The following NUP210L variants were observed in gnomAD, a reference collection of about 807,000 sequenced individuals.
NUP210L encodes nuclear pore membrane glycoprotein 210-like.
A neutral mutation model predicts 208.5 loss-of-function variants in NUP210L; 74 were observed. The ratio of observed to expected loss-of-function variants is 0.35; its 90% CI spans 0.29 to 0.43. The LOEUF is 0.43. Ranked by LOEUF, NUP210L falls within the 20% of genes least tolerant of loss-of-function variation. NUP210L has a pLI of 1.00. For synonymous variants in NUP210L, 780 were observed against 816.9 expected, an observed-to-expected ratio of 0.95 and a Z score of 0.77; for missense variants, 1,843 against 2,289.4, an observed-to-expected ratio of 0.81 and a Z score of 3.98.
chr1:154,155,038 C>T, exon 1 of NUP210L: 3 of 1,604,430 alleles, frequency 1.9e-6, no homozygotes, highest in Non-Finnish European at 2.6e-6. Flanking sequence ...GCCGGACAGC[C>T]AGTCATGGCG....
chr1:154,031,641 A>G (rs564546237), intron 27 of NUP210L, among the ~76,000 whole-genome samples: 3 of 146,860 alleles, frequency 2.0e-5, no homozygotes, highest in East Asian at 2.0e-4. Flanking sequence ...AAGTTTGTCT[A>G]TCTATACTTG....
At chr1:154,004,884 C>G (rs1378355753) in intron 35 of NUP210L, among the ~76,000 whole-genome samples, 1 of 121,254 alleles carries the variant, frequency 8.2e-6, no homozygotes, top group African/African-American at 3.1e-5. Context: ...GATGGAATCT[C>G]ACTCTATCGC....
intron 27 of NUP210L, among the ~76,000 whole-genome samples, chr1:154,031,516 C>G (rs1652216730): frequency 6.7e-6 from 1 of 150,082 alleles, no homozygotes; most frequent in Non-Finnish European, 1.5e-5. Context: ...AGCATCCCCA[C>G]TTCCCTCCCA....
chr1:154,101,172 C>CAGA (rs1656453539), intron 13 of NUP210L, among the ~76,000 whole-genome samples: 1 of 104,740 alleles, frequency 9.5e-6, no homozygotes, highest in Admixed American at 1.1e-4. Context: ...AACTCTGTCT[C>CAGA]AAAAAAAAAA....
At chr1:154,061,453 T>C (rs1654132167) in intron 18 of NUP210L, 133 bp downstream of exon 18, 4 of 460,802 alleles carry the variant, frequency 8.7e-6, no homozygotes, top group Non-Finnish European at 1.5e-5. Context: ...TTTCCAGGAC[T>C]CTCTCAAGGG....
chr1:154,108,898 C>T (rs954569409), intron 12 of NUP210L, among the ~76,000 whole-genome samples: 43 of 151,664 alleles, frequency 2.8e-4, no homozygotes, highest in African/African-American at 7.3e-5. Flanking sequence ...ATTGGCAGTT[C>T]GAGACCAGCC....
At chr1:154,091,596 G>C (rs1416037323) in intron 15 of NUP210L, among the ~76,000 whole-genome samples, 2 of 149,800 alleles carry the variant, frequency 1.3e-5, no homozygotes, top group Non-Finnish European at 3.0e-5. Context: ...CACCTCCCAG[G>C]TTCAAGCGAT....
chr1:154,136,483 A>AAT (rs566806665), intron 6 of NUP210L, among the ~76,000 whole-genome samples: 103 of 151,478 alleles, frequency 6.8e-4, no homozygotes, highest in African/African-American at 2.3e-3. Flanking sequence ...AAAAATTAAA[A>AAT]ATATATATAT....
At chr1:154,042,259 C>T (rs1378212171) in intron 27 of NUP210L, among the ~76,000 whole-genome samples, 2 of 152,086 alleles carry the variant, frequency 1.3e-5, no homozygotes, top group African/African-American at 4.8e-5. Context: ...GCCACTATGC[C>T]TGGCTAATCT....
intron 2 of NUP210L, among the ~76,000 whole-genome samples, chr1:154,144,426 T>C (rs1440036939): frequency 6.6e-6 from 1 of 152,210 alleles, no homozygotes; most frequent in African/African-American, 2.4e-5. Flanking sequence ...TTCAGTTATT[T>C]TTTCTTGTGG....
At chr1:154,071,674 C>T (rs1654739928) in intron 16 of NUP210L, among the ~76,000 whole-genome samples, 1 of 121,446 alleles carries the variant, frequency 8.2e-6, no homozygotes, top group Non-Finnish European at 1.6e-5. Context: ...CTTGCTCTGT[C>T]ACCCAGGCTG....
chr1:154,007,537 C>G (rs1276024819), intron 35 of NUP210L, among the ~76,000 whole-genome samples: 1 of 152,086 alleles, frequency 6.6e-6, no homozygotes, highest in Non-Finnish European at 1.5e-5. Context: ...GCTGGGATTA[C>G]AGGCGTGAGT....
At chr1:154,001,014 G>C (rs761170261) in exon 37 of NUP210L, 88 of 1,614,004 alleles carry the variant, frequency 5.5e-5, no homozygotes, top group East Asian at 2.4e-4. Context: ...AGTGAGGGGA[G>C]AGTGGCTATG....
chr1:154,152,819 G>T lies in NUP210L; in HGVS notation c.257C>A (p.Thr86Asn), dbSNP rs749046415. Residue 86 changes from threonine to asparagine, a missense_variant, in exon 2 of 40, where the codon ACC becomes AAC. By Grantham distance (65) the Thr-to-Asn change is moderately conservative (BLOSUM62 0). Coordinates refer to ENST00000368559, the Ensembl canonical transcript of NUP210L. ...GAGTACAGCTTTTTGGGAACACAAG[G>T]TGCCATTTTCATATAAAGGCTCAAC... 3.7e-6 allele frequency: 6 copies of T among 1,613,686 alleles called. No homozygotes were observed. Among genetic ancestry groups the T allele is most frequent in the Non-Finnish European group, 4.2e-6 (5 of 1,179,758 alleles).
chr1:154,018,249 G>T (rs1408591494), intron 33 of NUP210L, among the ~76,000 whole-genome samples: 2 of 152,134 alleles, frequency 1.3e-5, no homozygotes, highest in Non-Finnish European at 2.9e-5. Flanking sequence ...TGGAATTACA[G>T]ATGTGAGCCA....
At chr1:153,993,380 C>T (rs967811969) in intron 38 of NUP210L, among the ~76,000 whole-genome samples, 3 of 151,344 alleles carry the variant, frequency 2.0e-5, no homozygotes, top group Admixed American at 6.6e-5. Flanking sequence ...TCCTGGCTAA[C>T]ACAGTGAAAC....
chr1:154,099,929 T>A, intron 14 of NUP210L, 69 bp downstream of exon 14: 1 of 1,462,366 alleles, frequency 6.8e-7, no homozygotes, highest in Non-Finnish European at 9.5e-7. Flanking sequence ...AGATAGCTAG[T>A]AAGCCCATAA....
At position 154,104,543 on chromosome 1, in the gene NUP210L, G is replaced by A. The variant is rs553863186; in HGVS notation, c.1621-333C>T. 29 of 228,876 alleles carry A rather than the reference G, an allele frequency of 1.3e-4. No homozygotes were observed. The South Asian group carries it at 1.8e-3, about 14-fold the overall frequency. 14.2% of individuals were successfully genotyped at this position (228,876 alleles called of 1,614,324 possible). On this transcript the variant is annotated intron_variant, in intron 12 of 39. Transcript: ENST00000368559. The stretch of plus-strand genomic sequence containing the variant: ...AATCTGTGCACCTGGGGAGTACAGT[G>A]ATTGTGGGACTTTGCATTCCACAAT...
At chr1:154,009,400 T>C (rs993378644) in intron 35 of NUP210L, among the ~76,000 whole-genome samples, 1 of 152,036 alleles carries the variant, frequency 6.6e-6, no homozygotes, top group African/African-American at 2.4e-5. Context: ...TGAGACACAA[T>C]GCAGAGCCTC....
Sources: allele counts gnomAD v4.1 joint callset (sites outside exome capture counted in the v4.1 genomes callset), GRCh38; gene constraint gnomAD v4.1.1; transcripts MANE v1.5; gene names NCBI Gene and HGNC (gene_info 2026-07-23, HGNC 2026-07-21).